The following ALG12 variants were observed in gnomAD, a reference collection of about 807,000 sequenced individuals.
ALG12 encodes the protein ALG12 alpha-1,6-mannosyltransferase.
In ALG12, 36 loss-of-function variants were observed where a neutral mutation model predicts 46.0. The ratio of observed to expected loss-of-function variants is 0.78; its 90% CI spans 0.60 to 1.03. ALG12 has a LOEUF of 1.03. ALG12 is among the 50% of genes least tolerant of loss of function. The pLI, the probability that ALG12 is intolerant of heterozygous loss-of-function variation, is 0.00. For synonymous variants in ALG12, 326 were observed against 291.6 expected, an observed-to-expected ratio of 1.12 and a Z score of -1.20; for missense variants, 599 against 633.5, an observed-to-expected ratio of 0.95 and a Z score of 0.58.
In ALG12 at chr22:49,905,611, G is replaced by T. The variant is rs539380032; in HGVS notation, c.993-1105C>A. Reference sequence around the variant, plus strand: ...TCCTGCTTTGGCCACATAAAAGCGTGCCCGCTTCCCTCTCGCCTTCCGCCA... The same window carrying T: ...TCCTGCTTTGGCCACATAAAAGCGTTCCCGCTTCCCTCTCGCCTTCCGCCA... On this transcript the variant is annotated intron_variant, in intron 7 of 9. Coordinates refer to ENST00000330817, the MANE Select transcript of ALG12 (RefSeq NM_024105.4). This position sits in a 1 kb window ranked among gnomAD's most constrained non-coding sequence, Gnocchi z 4.9. 2.6e-5 allele frequency among the ~76,000 whole-genome samples: 4 copies of T among 152,306 alleles called. No individual in the cohort carries two copies. The South Asian group carries it at 8.3e-4, about 32-fold the overall frequency.
the ALG12 span, among the ~76,000 whole-genome samples, chr22:49,871,488 T>TA: frequency 1.5e-4 from 23 of 150,506 alleles, no homozygotes; most frequent in Middle Eastern, 3.4e-3. Context: ...GTCTCAAAAA[T>TA]AAAAAAAAAG....
the ALG12 span, chr22:49,885,565 T>A: frequency 6.2e-7 from 1 of 1,603,880 alleles, no homozygotes; most frequent in Non-Finnish European, 8.5e-7. Context: ...GGGCACAGAA[T>A]TATCAGGCGC....
chr22:49,875,761 T>A, the ALG12 span, among the ~76,000 whole-genome samples: 2 of 152,128 alleles, frequency 1.3e-5, no homozygotes, highest in Admixed American at 6.6e-5. Context: ...TTTTATAAAA[T>A]TTTTTATATG....
Position 49,901,920 on chromosome 22 carries a change from GCA to G in ALG12, c.*1916_*1917del, listed in dbSNP as rs2060510519. On this transcript the variant is annotated 3_prime_UTR_variant, in exon 10 of 10. Coordinates refer to ENST00000330817, the MANE Select transcript of ALG12 (RefSeq NM_024105.4). ...TGTGTGTATGCATGGTAATGTGCACGCATGCACTGTGTGTATGCACGGTAATG... is the reference window on the plus strand; with the variant it reads ...TGTGTGTATGCATGGTAATGTGCACGTGCACTGTGTGTATGCACGGTAATG... 7.1e-6 allele frequency: 1 copy of G among 140,784 alleles called. No homozygotes were observed. Among genetic ancestry groups the G allele is most frequent in the Non-Finnish European group, 1.5e-5 (1 of 65,646 alleles). The allele number at this position is 140,784 out of a possible 1,614,324, so 8.7% of individuals were successfully genotyped here. A position where few individuals can be genotyped will look rare whatever the true frequency, so the allele number is the denominator to read the frequency against.
At chr22:49,885,715 C>T in the ALG12 span, 3 of 1,607,152 alleles carry the variant, frequency 1.9e-6, no homozygotes, top group Non-Finnish European at 2.6e-6. Flanking sequence ...TAACAGGCTG[C>T]TTGAATACTT....
At chr22:49,874,672 C>CTGTTTTTTTT in the ALG12 span, among the ~76,000 whole-genome samples, 1 of 37,316 alleles carries the variant, frequency 2.7e-5, no homozygotes, top group Non-Finnish European at 4.4e-5. Context: ...CATGCCCAGC[C>CTGTTTTTTTT]TTTTTTTTTT....
intron 1 of ALG12, among the ~76,000 whole-genome samples, chr22:49,918,013 G>GCCCC (rs2060627345): frequency 6.3e-5 from 6 of 95,096 alleles, no homozygotes; most frequent in South Asian, 4.3e-4. Context: ...CGGGCCCCCG[G>GCCCC]ATGAGAGGTC....
chr22:49,897,445 C>T (rs1306427985), downstream of ALG12, among the ~76,000 whole-genome samples: 1 of 152,318 alleles, frequency 6.6e-6, no homozygotes, highest in South Asian at 2.1e-4. Flanking sequence ...TTCACGCCAG[C>T]AATGAATGAG....
chr22:49,872,153 T>TAGTCAATCCTC, the ALG12 span, among the ~76,000 whole-genome samples: 3 of 152,238 alleles, frequency 2.0e-5, no homozygotes, highest in African/African-American at 7.2e-5. Flanking sequence ...TTCAAAATTG[T>TAGTCAATCCTC]AGTCAATCCT....
At chr22:49,895,658 A>T (rs942442330), downstream of ALG12, among the ~76,000 whole-genome samples, 4 of 93,372 alleles carry the variant, frequency 4.3e-5, no homozygotes, top group East Asian at 2.3e-4. Flanking sequence ...TCTCAAAAAT[A>T]AAAAAAAAAA....
chr22:49,860,860 C>T, the ALG12 span, among the ~76,000 whole-genome samples: 1 of 151,052 alleles, frequency 6.6e-6, no homozygotes, highest in Non-Finnish European at 1.5e-5. Flanking sequence ...CTCACTGCAT[C>T]CTCGGCCTTC....
the ALG12 span, chr22:49,883,452 G>A: frequency 1.7e-6 from 1 of 571,446 alleles, no homozygotes; most frequent in Non-Finnish European, 2.8e-6. Flanking sequence ...TTAGTAGCAG[G>A]ACTCTTGGAA....
chr22:49,914,433 GC>G (rs960809400), intron 1 of ALG12, among the ~76,000 whole-genome samples: 5 of 152,192 alleles, frequency 3.3e-5, no homozygotes, highest in African/African-American at 1.2e-4. Flanking sequence ...GCTGGGAGAA[GC>G]CATGGCCGGC....
chr22:49,881,325 T>C, the ALG12 span, among the ~76,000 whole-genome samples: 3 of 152,398 alleles, frequency 2.0e-5, no homozygotes, highest in South Asian at 6.2e-4. Flanking sequence ...CACTGCAGCC[T>C]GGGCGACAGA....
At chr22:49,867,222 T>C in the ALG12 span, among the ~76,000 whole-genome samples, 1 of 152,218 alleles carries the variant, frequency 6.6e-6, no homozygotes, top group Non-Finnish European at 1.5e-5. Context: ...ATTTCTTTCT[T>C]TTGCTTTATA....
At chr22:49,912,762 G>A (rs576080956) in intron 3 of ALG12, among the ~76,000 whole-genome samples, 5 of 152,202 alleles carry the variant, frequency 3.3e-5, no homozygotes, top group Non-Finnish European at 5.9e-5. Flanking sequence ...AGCACTGTGG[G>A]AGGCTGAGGT....
the ALG12 span, among the ~76,000 whole-genome samples, chr22:49,867,533 G>A: frequency 2.0e-5 from 3 of 152,228 alleles, no homozygotes; most frequent in African/African-American, 7.2e-5. Flanking sequence ...AGAAAGAAGT[G>A]TCAGCTGTTT....
chr22:49,913,332 C>T, intron 3 of ALG12, 53 bp downstream of exon 3: 1 of 1,610,702 alleles, frequency 6.2e-7, no homozygotes, highest in Non-Finnish European at 8.5e-7. Flanking sequence ...CTGAGGTCAC[C>T]CGATGACACC....
At chr22:49,899,335 G>A (rs9616364), downstream of ALG12, among the ~76,000 whole-genome samples, 11,957 of 151,964 alleles carry the variant, frequency 0.079, 586 homozygotes, top group South Asian at 0.12. Context: ...AAAATTAGCC[G>A]GGCATGGTGG....
Sources: allele counts gnomAD v4.1 joint callset (sites outside exome capture counted in the v4.1 genomes callset), GRCh38; gene constraint gnomAD v4.1.1; non-coding constraint Gnocchi (gnomAD v3.1); transcripts MANE v1.5; gene names NCBI Gene and HGNC (gene_info 2026-07-23, HGNC 2026-07-21).